CLNK: variants seen among roughly 807,000 people sequenced by gnomAD.
The protein encoded by CLNK is cytokine dependent hematopoietic cell linker.
In CLNK, 74 loss-of-function variants were observed where a neutral mutation model predicts 68.6. The ratio of observed to expected loss-of-function variants is 1.08; its 90% CI spans 0.89 to 1.31. The LOEUF (loss-of-function observed/expected upper bound fraction) is 1.31. Among genes scored for constraint, CLNK ranks in the 50% most tolerant of loss-of-function variants. CLNK has a pLI of 0.00. For synonymous variants in CLNK, 198 were observed against 172.2 expected (o/e 1.15, Z -1.17); for missense variants, 553 against 515.3 (o/e 1.07, Z -0.71).
At chr4:10,631,125 C>G (rs1189347387) in intron 2 of CLNK, among the ~76,000 whole-genome samples, 1 of 151,982 alleles carries the variant, frequency 6.6e-6, no homozygotes, top group African/African-American at 2.4e-5. Flanking sequence ...TGTGTCTCTC[C>G]TGCTCCTCCT....
intron 4 of CLNK, among the ~76,000 whole-genome samples, chr4:10,575,184 C>T (rs980849132): frequency 6.6e-6 from 1 of 152,222 alleles, no homozygotes; most frequent in Non-Finnish European, 1.5e-5. Context: ...TCTCCATTGT[C>T]TGGAATAAAG....
intron 2 of CLNK, among the ~76,000 whole-genome samples, chr4:10,647,886 T>A (rs896326450): frequency 1.3e-5 from 2 of 152,180 alleles, no homozygotes; most frequent in African/African-American, 4.8e-5. Flanking sequence ...CCTCTTATCC[T>A]CAGAAAGTTG....
the CLNK span, among the ~76,000 whole-genome samples, chr4:10,696,267 C>A: frequency 6.6e-6 from 1 of 152,062 alleles, no homozygotes; most frequent in African/African-American, 2.4e-5. Context: ...GTTCTTTGGT[C>A]CTAGGTCATC....
At chr4:10,492,631 C>T (rs760432655) in intron 18 of CLNK, among the ~76,000 whole-genome samples, 76 of 152,270 alleles carry the variant, frequency 5.0e-4, no homozygotes, top group Admixed American at 9.8e-4. Flanking sequence ...CTGTTAGAGG[C>T]GCACTGAATA....
chr4:10,658,621 G>A (rs11726388), intron 2 of CLNK, among the ~76,000 whole-genome samples: 64,949 of 151,932 alleles, frequency 0.43, 14,567 homozygotes, highest in Non-Finnish European at 0.51. Flanking sequence ...TCTCCCCAGG[G>A]CTTCTCCGCA....
At chr4:10,512,887 C>T (rs12510628) in intron 16 of CLNK, among the ~76,000 whole-genome samples, 28,374 of 151,084 alleles carry the variant, frequency 0.19, 3,234 homozygotes, top group East Asian at 0.45. Flanking sequence ...CAAAAATAAC[C>T]AATTGTAGTG....
At chr4:10,645,161 C>T (rs1263918508) in intron 2 of CLNK, among the ~76,000 whole-genome samples, 1 of 152,210 alleles carries the variant, frequency 6.6e-6, no homozygotes, top group African/African-American at 2.4e-5. Context: ...GGATTCCACT[C>T]CAGCCTTAGG....
chr4:10,701,209 T>A, the CLNK span, among the ~76,000 whole-genome samples: 1 of 152,234 alleles, frequency 6.6e-6, no homozygotes, highest in African/African-American at 2.4e-5. Flanking sequence ...GCTACAGATT[T>A]TGCAAGCAGA....
At chr4:10,543,734 G>T (rs917994984) in intron 8 of CLNK, among the ~76,000 whole-genome samples, 4 of 152,138 alleles carry the variant, frequency 2.6e-5, no homozygotes, top group Non-Finnish European at 5.9e-5. Context: ...TTACTTCAAA[G>T]AATAAGAATA....
the CLNK span, among the ~76,000 whole-genome samples, chr4:10,695,643 T>A: frequency 6.6e-6 from 1 of 152,172 alleles, no homozygotes; most frequent in African/African-American, 2.4e-5. Context: ...CTCTTCTGAG[T>A]CATATTCTTG....
In CLNK at chr4:10,564,771, T is replaced by C. The variant is rs1020273517; in HGVS notation, c.299A>G (p.His100Arg). 1.3e-6 allele frequency: 2 copies of C among 1,593,010 alleles called. No homozygotes were observed. The highest frequency in any genetic ancestry group is 1.7e-6 in the Non-Finnish European group (2 of 1,160,838). The change falls in exon 7 of 19, where the codon CAC becomes CGC. Residue 100 changes from histidine to arginine, a missense_variant. By Grantham distance (29) the His-to-Arg change is conservative (BLOSUM62 0). Transcript: ENST00000226951. ...PIKESEYADT[H>R]YFKVAMDTPL... Reference sequence around the variant, plus strand: ...AGTGTCCATTGCAACCTTGAAATAGTGTGTATCTATGCAAACAGAAAAATA... The same window carrying C: ...AGTGTCCATTGCAACCTTGAAATAGCGTGTATCTATGCAAACAGAAAAATA...
intron 2 of CLNK, among the ~76,000 whole-genome samples, chr4:10,660,783 C>T (rs1040470768): frequency 6.6e-6 from 1 of 152,160 alleles, no homozygotes; most frequent in Admixed American, 6.5e-5. Context: ...TATTGAGTCT[C>T]GAAGCCAACC....
rs1045509062 is a variant in CLNK, at chr4:10,627,837, CAG to C, written c.12-29790_12-29789del. Among the ~76,000 whole-genome samples, 17 of 152,206 alleles carry C rather than the reference CAG, an allele frequency of 1.1e-4. 1 individual carries two copies. The highest frequency in any genetic ancestry group is 8.3e-4 in the South Asian group (4 of 4,830). ...CTGAGCCCCTCACCTCTGGGCTTCA[CAG>C]AGTCTGTGAAATAGCTCAGCTCCAG... On this transcript the variant is annotated intron_variant, in intron 2 of 18. Coordinates refer to ENST00000226951, the MANE Select transcript of CLNK (RefSeq NM_052964.4).
intron 8 of CLNK, among the ~76,000 whole-genome samples, chr4:10,553,961 G>A (rs138134915): frequency 2.4e-4 from 36 of 152,312 alleles, no homozygotes; most frequent in Non-Finnish European, 4.1e-4. Context: ...GGAAGGTGGT[G>A]AGGCTCTTGG....
At chr4:10,584,473 T>G (rs1720900470) in intron 4 of CLNK, among the ~76,000 whole-genome samples, 1 of 152,212 alleles carries the variant, frequency 6.6e-6, no homozygotes, top group African/African-American at 2.4e-5. Context: ...AAGTGCGTAG[T>G]ACCAGAAAAT....
the CLNK span, among the ~76,000 whole-genome samples, chr4:10,696,777 A>G: frequency 1.3e-5 from 2 of 152,200 alleles, no homozygotes; most frequent in African/African-American, 4.8e-5. Context: ...TGAAGTAGTC[A>G]ATCATAAATG....
intron 5 of CLNK, 98 bp downstream of exon 5, chr4:10,571,643 G>A (rs1170556887): frequency 9.8e-7 from 1 of 1,021,324 alleles, no homozygotes; most frequent in Non-Finnish European, 1.5e-6. Context: ...GCCTGTTACT[G>A]TTGATTTTTA....
chr4:10,557,605 C>T (rs370018273), intron 8 of CLNK, among the ~76,000 whole-genome samples: 5 of 152,186 alleles, frequency 3.3e-5, no homozygotes, highest in African/African-American at 1.2e-4. Flanking sequence ...TTTGTTCTTC[C>T]CCCTATACCA....
chr4:10,571,677 T>A (rs562108399), intron 5 of CLNK, 64 bp downstream of exon 5: 5 of 1,333,484 alleles, frequency 3.7e-6, no homozygotes, highest in Non-Finnish European at 5.4e-6. Flanking sequence ...GTATCTTGAA[T>A]CAAATTCACC....
Sources: gnomAD v4.1 joint callset for allele counts (sites outside exome capture counted in the v4.1 genomes callset) on GRCh38, gnomAD v4.1.1 for gene constraint, MANE v1.5 for transcripts, NCBI Gene and HGNC (gene_info 2026-07-23, HGNC 2026-07-21) for gene names.